Variants in HAUS2 observed in about 807,000 individuals in gnomAD.
HAUS2 encodes the protein HAUS augmin-like complex subunit 2.
In HAUS2, 20 loss-of-function variants were observed where a neutral mutation model predicts 21.6. That is an observed-to-expected ratio of 0.93 (90% CI 0.65 to 1.35). The LOEUF is 1.35. Ranked by LOEUF, HAUS2 falls within the 40% of genes most tolerant of loss-of-function variation. The pLI, the probability that HAUS2 is intolerant of heterozygous loss-of-function variation, is 0.00. For synonymous variants in HAUS2, 113 were observed against 95.6 expected (o/e 1.18, Z -1.06); for missense variants, 297 against 280.7 (o/e 1.06, Z -0.42).
chr15:42,568,193 A>C lies in HAUS2; in HGVS notation c.*1377A>C, dbSNP rs985517458. The C allele has an allele frequency of 2.0e-5, 3 of 152,226 alleles. No individual in the cohort carries two copies. Among genetic ancestry groups the C allele is most frequent in the Admixed American group, 1.3e-4 (2 of 15,276 alleles). 9.4% of individuals were successfully genotyped at this position (152,226 alleles called of 1,614,324 possible). A position where few individuals can be genotyped will look rare whatever the true frequency, so the allele number is the denominator to read the frequency against. The stretch of plus-strand genomic sequence containing the variant: ...TTTGTCCTCAGCTGTTGCATCTGGG[A>C]ACTTAGATATCAGAAGGTATCTTAG... On this transcript the variant is annotated 3_prime_UTR_variant, in exon 6 of 6. Coordinates refer to ENST00000260372, the MANE Select transcript of HAUS2 (RefSeq NM_018097.3).
intron 3 of HAUS2, among the ~76,000 whole-genome samples, chr15:42,559,622 G>C (rs576827374): frequency 5.9e-5 from 9 of 152,260 alleles, no homozygotes; most frequent in African/African-American, 2.2e-4. Context: ...GCTCTTCAAA[G>C]TCAGGAGAAC....
rs1201735367 is a variant in HAUS2 at position 42,562,636 on chromosome 15, ATC to A, written c.390-1111_390-1110del. Among the ~76,000 whole-genome samples, 4 of 152,308 alleles carry A rather than the reference ATC, an allele frequency of 2.6e-5. No individual in the cohort carries two copies. In the East Asian group the frequency reaches 7.7e-4, roughly 29 times the overall value. Reference sequence around the variant, plus strand: ...CCCCTTTCTTGTGGCTATATTCAGTATCTGTTTAGTACATTATCATTACCCTT... The same window carrying A: ...CCCCTTTCTTGTGGCTATATTCAGTATGTTTAGTACATTATCATTACCCTT... On this transcript the variant is annotated intron_variant, in intron 4 of 5. Coordinates refer to ENST00000260372, the MANE Select transcript of HAUS2 (RefSeq NM_018097.3).
intron 1 of HAUS2, among the ~76,000 whole-genome samples, chr15:42,553,405 T>C (rs2057743922): frequency 6.6e-6 from 1 of 152,190 alleles, no homozygotes; most frequent in South Asian, 2.1e-4. Flanking sequence ...CTTTGGGGCA[T>C]GTAATAGCAA....
chr15:42,560,822 C>A, intron 3 of HAUS2: 1 of 702,166 alleles, frequency 1.4e-6, no homozygotes, highest in South Asian at 1.5e-5. Flanking sequence ...GTCTCGAACT[C>A]ATGGCCTCAA....
chr15:42,552,985 A>AT (rs34872260), intron 1 of HAUS2, among the ~76,000 whole-genome samples: 5,712 of 137,098 alleles, frequency 0.042, 135 homozygotes, highest in Middle Eastern at 0.069. Context: ...TGTTACCAGG[A>AT]TTTTTTTTTT....
intron 3 of HAUS2, among the ~76,000 whole-genome samples, chr15:42,560,557 A>G (rs1438116215): frequency 6.6e-6 from 1 of 152,168 alleles, no homozygotes; most frequent in Non-Finnish European, 1.5e-5. Context: ...AAGAAAGGTC[A>G]ATTGGCAGCC....
intron 4 of HAUS2, 26 bp from the exon 5 acceptor site, chr15:42,563,723 G>A (rs1378202312): frequency 7.3e-6 from 8 of 1,101,970 alleles, no homozygotes; most frequent in Middle Eastern, 3.9e-4. Context: ...TTTAAAAAAT[G>A]GTTGACTTTT....
chr15:42,555,625 T>C (rs752267393), intron 1 of HAUS2, among the ~76,000 whole-genome samples: 8 of 152,214 alleles, frequency 5.3e-5, no homozygotes, highest in Non-Finnish European at 1.0e-4. Context: ...TGAGCATTTG[T>C]AATGTTTTTG....
rs1009541063 is a variant in HAUS2, at chr15:42,564,220, C to T, written c.498+363C>T. On this transcript the variant is annotated intron_variant, in intron 5 of 5. Transcript: ENST00000260372. ...GGCAGAAGTTGCAGTGAGCTGAGAT[C>T]GTGCCAGTGCACTCCATCCTGGGCG... Among the ~76,000 whole-genome samples the T allele has an allele frequency of 8.1e-5, 12 of 148,704 alleles. No homozygotes were observed. In the East Asian group the frequency reaches 1.2e-3, roughly 15 times the overall value.
chr15:42,562,652 A>G (rs894025106), intron 4 of HAUS2, among the ~76,000 whole-genome samples: 2 of 152,212 alleles, frequency 1.3e-5, no homozygotes, highest in African/African-American at 4.8e-5. Context: ...TTAGTACATT[A>G]TCATTACCCT....
At position 42,566,624 on chromosome 15, in the gene HAUS2, G is replaced by T; in HGVS notation, c.516G>T (p.Lys172Asn). 1.3e-6 allele frequency: 2 copies of T among 1,593,578 alleles called. No individual in the cohort carries two copies. The highest frequency in any genetic ancestry group is 1.7e-6 in the Non-Finnish European group (2 of 1,161,468). Residue 172 changes from lysine (K) to asparagine (N), a missense_variant, in exon 6 of 6, where the codon AAG becomes AAT. By Grantham distance (94) the Lys-to-Asn change is moderately conservative. Transcript: ENST00000260372. ...NLKKMNQALA[K>N]MDILVTETEE... Reference sequence around the variant, plus strand: ...TGTTACAGAACCAGGCTTTAGCAAAGATGGATATATTGGTGACTGAGACAG... The same window carrying T: ...TGTTACAGAACCAGGCTTTAGCAAATATGGATATATTGGTGACTGAGACAG...
intron 1 of HAUS2, among the ~76,000 whole-genome samples, chr15:42,555,055 T>C (rs2057758305): frequency 6.6e-6 from 1 of 151,598 alleles, no homozygotes; most frequent in Non-Finnish European, 1.5e-5. Context: ...AATGGCGTGA[T>C]CTCTGCTCAC....
At chr15:42,563,583 C>A (rs879940926) in intron 4 of HAUS2, among the ~76,000 whole-genome samples, 166 bp from the exon 5 acceptor site, 2 of 151,850 alleles carry the variant, frequency 1.3e-5, no homozygotes, top group African/African-American at 4.8e-5. Flanking sequence ...AGAGAAGGAC[C>A]TTTTTTTAAT....
intron 1 of HAUS2, among the ~76,000 whole-genome samples, chr15:42,554,166 C>T (rs1276520397): frequency 6.6e-6 from 1 of 152,120 alleles, no homozygotes; most frequent in Non-Finnish European, 1.5e-5. Flanking sequence ...CTGACCTAGT[C>T]CACATTCTCA....
chr15:42,562,205 G>A (rs896986511), intron 4 of HAUS2, among the ~76,000 whole-genome samples: 1 of 152,066 alleles, frequency 6.6e-6, no homozygotes, highest in African/African-American at 2.4e-5. Flanking sequence ...AACTTTCTCC[G>A]CCAGTGCCTC....
At chr15:42,563,090 G>A (rs1418266670) in intron 4 of HAUS2, among the ~76,000 whole-genome samples, 1 of 143,420 alleles carries the variant, frequency 7.0e-6, no homozygotes, top group African/African-American at 2.6e-5. Flanking sequence ...TCCAGCCTGG[G>A]CAACAGAGTC....
intron 4 of HAUS2, among the ~76,000 whole-genome samples, chr15:42,563,479 A>G (rs528115157): frequency 6.6e-6 from 1 of 151,980 alleles, no homozygotes; most frequent in South Asian, 2.1e-4. Flanking sequence ...AATGATTAAC[A>G]TTGAGGTTTC....
chr15:42,549,642 G>T (rs2141586658), intron 1 of HAUS2, among the ~76,000 whole-genome samples: 1 of 151,194 alleles, frequency 6.6e-6, no homozygotes, highest in South Asian at 2.1e-4. Flanking sequence ...GTAGAGACGG[G>T]GTTTCACCTT....
intron 2 of HAUS2, 56 bp from the exon 3 acceptor site, chr15:42,559,283 A>C: frequency 9.9e-7 from 1 of 1,007,924 alleles, no homozygotes. Context: ...GAGCCACCGC[A>C]CCTGGCCATG....
Sources: allele counts gnomAD v4.1 joint callset (sites outside exome capture counted in the v4.1 genomes callset), GRCh38; gene constraint gnomAD v4.1.1; transcripts MANE v1.5; gene names NCBI Gene and HGNC (gene_info 2026-07-23, HGNC 2026-07-21).